Variants in PDE10A observed in about 807,000 individuals in gnomAD.
The protein encoded by PDE10A is phosphodiesterase 10A.
PDE10A carries 39 observed loss-of-function variants against 97.7 expected under a neutral mutation model. The observed-to-expected ratio is 0.40, with a 90% CI of 0.31 to 0.52. PDE10A has a LOEUF of 0.52. Among genes scored for constraint, PDE10A ranks in the 20% least tolerant of loss-of-function variants. PDE10A has a pLI of 0.56. For synonymous variants in PDE10A, 371 were observed against 376.8 expected, an observed-to-expected ratio of 0.98 and a Z score of 0.18; for missense variants, 731 against 1,047.8, an observed-to-expected ratio of 0.70 and a Z score of 4.17.
At chr6:165,559,305 G>A (rs550086854) in intron 1 of PDE10A, among the ~76,000 whole-genome samples, 1 of 152,260 alleles carries the variant, frequency 6.6e-6, no homozygotes, top group African/African-American at 2.4e-5. Flanking sequence ...GAAAATAGGG[G>A]CTAAGAGGGA....
chr6:165,541,587 T>C (rs1359107201), intron 2 of PDE10A, among the ~76,000 whole-genome samples: 1 of 152,232 alleles, frequency 6.6e-6, no homozygotes, highest in East Asian at 1.9e-4. Flanking sequence ...CACTACACTA[T>C]TATCCCTCAT....
intron 2 of PDE10A, among the ~76,000 whole-genome samples, chr6:165,500,899 C>A (rs1202531080): frequency 6.6e-6 from 1 of 152,050 alleles, no homozygotes; most frequent in Admixed American, 6.5e-5. Context: ...TTACGGCACC[C>A]AGATGTTTGG....
At chr6:165,624,867 G>C (rs1345671708) in intron 1 of PDE10A, among the ~76,000 whole-genome samples, 2 of 152,240 alleles carry the variant, frequency 1.3e-5, no homozygotes, top group East Asian at 3.8e-4. Flanking sequence ...AGGTGTCACA[G>C]GCAGTGGATG....
At chr6:165,528,403 G>A (rs1331988312) in intron 2 of PDE10A, among the ~76,000 whole-genome samples, 3 of 152,148 alleles carry the variant, frequency 2.0e-5, no homozygotes, top group African/African-American at 7.2e-5. Context: ...GTTACGCATG[G>A]GCTCAGCAAC....
At chr6:165,825,659 G>A (rs984898207) in intron 1 of PDE10A, among the ~76,000 whole-genome samples, 10 of 152,216 alleles carry the variant, frequency 6.6e-5, no homozygotes, top group African/African-American at 2.4e-4. Context: ...GAGCAAGACT[G>A]CAGTTACCCA....
chr6:165,591,374 G>T (rs1281259786), intron 1 of PDE10A, among the ~76,000 whole-genome samples: 1 of 152,190 alleles, frequency 6.6e-6, no homozygotes, highest in Non-Finnish European at 1.5e-5. Flanking sequence ...TCTGCACTTG[G>T]AATGAAATTA....
rs1389111683 is a variant in PDE10A, at chr6:165,661,069, C to T, written c.865+878G>A. On this transcript the variant is annotated intron_variant, in intron 1 of 21. Coordinates refer to ENST00000539869, the MANE Select transcript of PDE10A (RefSeq NM_001385079.1). The surrounding 1 kb of genome is among the most constrained non-coding windows in gnomAD (Gnocchi z 4.8). The stretch of plus-strand genomic sequence containing the variant: ...TCCTTCTAGCGAACCCCTGCCTTGA[C>T]TTTTCTGCTCAATCTTGTCCCCCAC... 1 of 152,684 alleles carries T rather than the reference C, an allele frequency of 6.5e-6. No homozygotes were observed. The highest frequency in any genetic ancestry group is 1.5e-5 in the Non-Finnish European group (1 of 68,412). 9.5% of individuals were successfully genotyped at this position (152,684 alleles called of 1,614,324 possible).
chr6:165,365,438 G>A (rs143858084), intron 18 of PDE10A, among the ~76,000 whole-genome samples: 14 of 152,300 alleles, frequency 9.2e-5, no homozygotes, highest in African/African-American at 2.4e-4. Context: ...GCTCATACCT[G>A]TAATCCCAGC....
At chr6:165,656,816 A>C (rs947349368) in intron 1 of PDE10A, among the ~76,000 whole-genome samples, 2 of 152,138 alleles carry the variant, frequency 1.3e-5, no homozygotes, top group African/African-American at 4.8e-5. Flanking sequence ...CTGTCTGCAG[A>C]GCGCCCTACA....
At chr6:165,544,721 G>T (rs564263222) in intron 1 of PDE10A, among the ~76,000 whole-genome samples, 6 of 152,162 alleles carry the variant, frequency 3.9e-5, no homozygotes, top group African/African-American at 1.4e-4. Context: ...ATTCTGCTGG[G>T]AACTAAAGTC....
chr6:165,722,509 T>C (rs1434082000), intron 1 of PDE10A, among the ~76,000 whole-genome samples: 1 of 152,204 alleles, frequency 6.6e-6, no homozygotes, highest in Non-Finnish European at 1.5e-5. Flanking sequence ...GTTTAATTTA[T>C]AAATAAGGCA....
chr6:165,611,121 G>A (rs1305567241), intron 1 of PDE10A, among the ~76,000 whole-genome samples: 1 of 151,708 alleles, frequency 6.6e-6, no homozygotes, highest in African/African-American at 2.4e-5. Context: ...CCTTTTGACT[G>A]CAAGAAACAA....
In PDE10A at chr6:165,889,880, CCTCA is replaced by C. The variant is rs1197122419; in HGVS notation, c.-615+97645_-615+97648del. On this transcript the variant is annotated intron_variant, in intron 1 of 19. Transcript: ENST00000366882. ...CTCCCTCACTCACTCCTCACTCCTCCCTCACTCACTCCTCCCTCCCTCCCTCCTC... is the reference window on the plus strand; with the variant it reads ...CTCCCTCACTCACTCCTCACTCCTCCCTCACTCCTCCCTCCCTCCCTCCTC... 6.9e-5 allele frequency among the ~76,000 whole-genome samples: 9 copies of C among 131,042 alleles called. No individual in the cohort carries two copies. In the South Asian group the frequency reaches 1.1e-3, roughly 16 times the overall value. The allele number at this position is 131,042 out of a possible 152,430, so 86.0% of individuals were successfully genotyped here.
chr6:165,619,222 G>C (rs1436433611), intron 1 of PDE10A, among the ~76,000 whole-genome samples: 2 of 151,256 alleles, frequency 1.3e-5, no homozygotes, highest in Non-Finnish European at 2.9e-5. Context: ...GTGTAGACTA[G>C]TGTAGTGTAG....
At chr6:165,707,574 C>T (rs1209844638) in intron 1 of PDE10A, among the ~76,000 whole-genome samples, 1 of 152,052 alleles carries the variant, frequency 6.6e-6, no homozygotes, top group Non-Finnish European at 1.5e-5. Context: ...ACTGGACATG[C>T]TTGCACTGTG....
intron 1 of PDE10A, among the ~76,000 whole-genome samples, chr6:165,681,502 C>T (rs750845196): frequency 1.3e-5 from 2 of 152,058 alleles, no homozygotes; most frequent in South Asian, 2.1e-4. Flanking sequence ...CCCCCTCCTC[C>T]GAGTTTCTGA....
chr6:165,534,233 T>A (rs2128316735), intron 2 of PDE10A, among the ~76,000 whole-genome samples: 1 of 150,866 alleles, frequency 6.6e-6, no homozygotes, highest in Non-Finnish European at 1.5e-5. Context: ...CTGACACGAC[T>A]GTACCAGGAA....
intron 1 of PDE10A, among the ~76,000 whole-genome samples, chr6:165,793,558 C>T (rs1055961801): frequency 6.6e-6 from 1 of 152,166 alleles, no homozygotes; most frequent in Non-Finnish European, 1.5e-5. Context: ...CCTGACACAA[C>T]CTGTGCTCTC....
At chr6:165,627,818 C>T (rs1041227021) in intron 1 of PDE10A, among the ~76,000 whole-genome samples, 2 of 152,190 alleles carry the variant, frequency 1.3e-5, no homozygotes, top group African/African-American at 4.8e-5. Context: ...GGCAACTGTA[C>T]CTATCAGAGC....
Sources: allele counts gnomAD v4.1 joint callset (sites outside exome capture counted in the v4.1 genomes callset), GRCh38; gene constraint gnomAD v4.1.1; non-coding constraint Gnocchi (gnomAD v3.1); transcripts MANE v1.5; gene names NCBI Gene and HGNC (gene_info 2026-07-23, HGNC 2026-07-21).